The following TMEM71 variants were observed in gnomAD, a reference collection of about 807,000 sequenced individuals.
The protein encoded by TMEM71 is transmembrane protein 71.
Under a neutral mutation model 38.0 loss-of-function variants are expected in TMEM71, and 44 were observed. That is an observed-to-expected ratio of 1.16 (90% CI 0.91 to 1.49). TMEM71 has a LOEUF of 1.49. Among genes scored for constraint, TMEM71 ranks in the 40% most tolerant of loss-of-function variants. The probability of loss-of-function intolerance (pLI) is 0.00; values close to 1 mark genes in which losing one functional copy is unlikely to be tolerated. For missense variants in TMEM71, 367 were observed against 348.6 expected, an observed-to-expected ratio of 1.05 and a Z score of -0.42; for synonymous variants, 133 against 122.5, an observed-to-expected ratio of 1.09 and a Z score of -0.56.
intron 7 of TMEM71, among the ~76,000 whole-genome samples, chr8:132,721,562 T>C (rs1382321781): frequency 6.6e-6 from 1 of 151,720 alleles, no homozygotes; most frequent in Non-Finnish European, 1.5e-5. Context: ...CTTTTTTTTT[T>C]TTTGGCAGAG....
the TMEM71 span, among the ~76,000 whole-genome samples, chr8:132,766,756 A>T: frequency 2.0e-4 from 30 of 149,894 alleles, 1 homozygote; most frequent in East Asian, 5.9e-3. Context: ...GCGTACCCTA[A>T]CCCGGGCAAC....
chr8:132,751,829 C>T lies in TMEM71; in HGVS notation c.270G>A (p.Leu90=), dbSNP rs918120022. The change falls in exon 4 of 10, where the codon CTG becomes CTA. Residue 90 remains leucine (L), a synonymous_variant. Transcript: ENST00000677595. ...FLCDKDGNIT[L]NPSQTSVMYK... ...ACATAACGCTGGTCTGGGATGGGTTCAGAGTTATGTTGCCATCTTTGTCGC... is the reference window on the plus strand; with the variant it reads ...ACATAACGCTGGTCTGGGATGGGTTTAGAGTTATGTTGCCATCTTTGTCGC... 1 of 1,613,780 alleles carries T rather than the reference C, an allele frequency of 6.2e-7. No individual in the cohort carries two copies. Among genetic ancestry groups the T allele is most frequent in the African/African-American group, 1.3e-5 (1 of 74,930 alleles).
chr8:132,749,855 A>G (rs1828597943), intron 4 of TMEM71, among the ~76,000 whole-genome samples: 1 of 152,046 alleles, frequency 6.6e-6, no homozygotes, highest in African/African-American at 2.4e-5. Context: ...CTCCACTAAA[A>G]ATACAAAAAT....
intron 5 of TMEM71, among the ~76,000 whole-genome samples, chr8:132,735,749 C>T (rs1423420332): frequency 6.6e-6 from 1 of 152,230 alleles, no homozygotes; most frequent in African/African-American, 2.4e-5. Flanking sequence ...ATGTGACATA[C>T]TGTCTTTAGA....
chr8:132,705,871 T>C (rs767979235), downstream of TMEM71, among the ~76,000 whole-genome samples: 1 of 152,206 alleles, frequency 6.6e-6, no homozygotes, highest in African/African-American at 2.4e-5. Flanking sequence ...GCATACATTT[T>C]TGGTAACTGA....
chr8:132,746,918 A>G (rs768295778), intron 5 of TMEM71, 24 bp downstream of exon 5: 10 of 1,543,390 alleles, frequency 6.5e-6, no homozygotes, highest in African/African-American at 1.4e-5. Context: ...AAATTTTACT[A>G]TGGAAAGGAG....
intron 5 of TMEM71, among the ~76,000 whole-genome samples, chr8:132,735,337 A>G (rs1018734596): frequency 1.3e-5 from 2 of 152,212 alleles, no homozygotes; most frequent in Non-Finnish European, 2.9e-5. Flanking sequence ...CAGGGGAAGT[A>G]ATGTTTGATT....
chr8:132,718,890 G>T (rs1826685222), intron 7 of TMEM71, among the ~76,000 whole-genome samples: 2 of 152,128 alleles, frequency 1.3e-5, no homozygotes, highest in Non-Finnish European at 2.9e-5. Context: ...TTTTCAAAAT[G>T]TGAATCATTT....
chr8:132,763,617 G>A (rs1404036065), upstream of TMEM71, among the ~76,000 whole-genome samples: 1 of 152,130 alleles, frequency 6.6e-6, no homozygotes, highest in Non-Finnish European at 1.5e-5. Flanking sequence ...ATGATACTCG[G>A]ACTTGCTACT....
chr8:132,743,007 C>T (rs1001438236), intron 5 of TMEM71, among the ~76,000 whole-genome samples: 5 of 152,110 alleles, frequency 3.3e-5, no homozygotes, highest in Non-Finnish European at 5.9e-5. Context: ...TCTTGTGAGA[C>T]GTATTCACTA....
At chr8:132,746,376 CAT>C (rs1201843904) in intron 5 of TMEM71, among the ~76,000 whole-genome samples, 111 of 18,716 alleles carry the variant, frequency 5.9e-3, no homozygotes, top group South Asian at 0.019. Context: ...CATATATATA[CAT>C]ATATATATAC....
At chr8:132,707,826 T>C (rs1340870963), downstream of TMEM71, among the ~76,000 whole-genome samples, 2 of 152,212 alleles carry the variant, frequency 1.3e-5, no homozygotes, top group Non-Finnish European at 2.9e-5. Flanking sequence ...ATTTGAACAA[T>C]ACAAGTTTTT....
intron 3 of TMEM71, among the ~76,000 whole-genome samples, chr8:132,754,523 G>T (rs906653873): frequency 2.0e-5 from 3 of 152,036 alleles, no homozygotes; most frequent in Non-Finnish European, 4.4e-5. Context: ...TGTTGTTGTT[G>T]TTTTTAACAA....
chr8:132,753,205 G>A (rs1828820310), intron 3 of TMEM71, among the ~76,000 whole-genome samples: 1 of 151,984 alleles, frequency 6.6e-6, no homozygotes, highest in Non-Finnish European at 1.5e-5. Flanking sequence ...TGTTCAGTAT[G>A]TAAATAAACT....
chr8:132,708,305 AT>A (rs1826124142), downstream of TMEM71, among the ~76,000 whole-genome samples: 1 of 152,170 alleles, frequency 6.6e-6, no homozygotes, highest in African/African-American at 2.4e-5. Flanking sequence ...GATCTGCAGG[AT>A]ATTAAGGTTA....
intron 7 of TMEM71, among the ~76,000 whole-genome samples, chr8:132,720,787 C>A (rs1826797802): frequency 6.6e-6 from 1 of 152,164 alleles, no homozygotes; most frequent in Admixed American, 6.5e-5. Flanking sequence ...GGCCAGAGTT[C>A]AAGAACCATA....
intron 5 of TMEM71, among the ~76,000 whole-genome samples, chr8:132,729,029 C>T (rs892352288): frequency 2.0e-5 from 3 of 152,224 alleles, no homozygotes; most frequent in Non-Finnish European, 2.9e-5. Context: ...ATGATTCATA[C>T]ATAAATATAT....
At chr8:132,719,840 A>G (rs1260293090) in intron 7 of TMEM71, among the ~76,000 whole-genome samples, 1 of 152,192 alleles carries the variant, frequency 6.6e-6, no homozygotes, top group African/African-American at 2.4e-5. Context: ...CTGGTACATT[A>G]CTATGATCTC....
the TMEM71 span, among the ~76,000 whole-genome samples, chr8:132,765,761 T>TTTATTA: frequency 6.6e-6 from 1 of 151,004 alleles, no homozygotes; most frequent in Non-Finnish European, 1.5e-5. Flanking sequence ...AACACATCTT[T>TTTATTA]TTATTATTAT....
Sources: allele counts gnomAD v4.1 joint callset (sites outside exome capture counted in the v4.1 genomes callset), GRCh38; gene constraint gnomAD v4.1.1; transcripts MANE v1.5; gene names NCBI Gene and HGNC (gene_info 2026-07-23, HGNC 2026-07-21).